Variants in DAB1 observed in about 807,000 individuals in gnomAD.
DAB1 encodes the protein disabled homolog 1.
Under a neutral mutation model 64.6 loss-of-function variants are expected in DAB1, and 15 were observed. That is an observed-to-expected ratio of 0.23 (90% CI 0.16 to 0.36). DAB1 has a LOEUF of 0.36. DAB1 is among the 10% of genes least tolerant of loss of function. The pLI, the probability that DAB1 is intolerant of heterozygous loss-of-function variation, is 1.00. For missense variants in DAB1, 596 were observed against 706.7 expected (o/e 0.84, Z 1.78); for synonymous variants, 235 against 251.9 (o/e 0.93, Z 0.64).
At chr1:58,266,095 A>C (rs1661153658) in intron 4 of DAB1, among the ~76,000 whole-genome samples, 1 of 151,618 alleles carries the variant, frequency 6.6e-6, no homozygotes, top group African/African-American at 2.4e-5. Context: ...GGGAGAATTA[A>C]TTAGTGCATA....
At chr1:57,113,750 T>G (rs1036282455) in intron 4 of DAB1, among the ~76,000 whole-genome samples, 5 of 152,226 alleles carry the variant, frequency 3.3e-5, no homozygotes, top group African/African-American at 9.6e-5. Context: ...TTGTCAACTC[T>G]GGCTCTAGAT....
chr1:58,462,276 G>A (rs1018956688), intron 3 of DAB1, among the ~76,000 whole-genome samples: 4 of 151,960 alleles, frequency 2.6e-5, no homozygotes, highest in Non-Finnish European at 5.9e-5. Flanking sequence ...ACAGGCGCCC[G>A]CCACCGCGCC....
intron 4 of DAB1, among the ~76,000 whole-genome samples, chr1:57,087,100 A>C (rs1378681353): frequency 6.6e-6 from 1 of 152,192 alleles, no homozygotes; most frequent in African/African-American, 2.4e-5. Flanking sequence ...GAGCTATGTA[A>C]CCTGGATGTT....
At chr1:57,215,638 T>G (rs1400970131) in intron 2 of DAB1, among the ~76,000 whole-genome samples, 1 of 152,224 alleles carries the variant, frequency 6.6e-6, no homozygotes, top group Non-Finnish European at 1.5e-5. Context: ...TAATAATGAT[T>G]CTATAACCTT....
chr1:58,460,571 C>G (rs948103424), intron 3 of DAB1, among the ~76,000 whole-genome samples: 2 of 152,134 alleles, frequency 1.3e-5, no homozygotes, highest in African/African-American at 4.8e-5. Context: ...AGTTACTGAA[C>G]ACTTACTATG....
At chr1:57,136,672 A>G in intron 3 of DAB1, 31 bp from the exon 4 acceptor site, 1 of 1,444,482 alleles carries the variant, frequency 6.9e-7, no homozygotes. Context: ...GTTTTTACTT[A>G]AGTGTTTTCA....
chr1:58,361,638 T>A (rs17496545), intron 3 of DAB1, among the ~76,000 whole-genome samples: 1 of 151,972 alleles, frequency 6.6e-6, no homozygotes, highest in Admixed American at 6.6e-5. Context: ...TTTCTGACCC[T>A]GAGCAGAGGT....
At chr1:58,058,496 C>T (rs1213246394) in intron 5 of DAB1, among the ~76,000 whole-genome samples, 1 of 152,162 alleles carries the variant, frequency 6.6e-6, no homozygotes, top group East Asian at 1.9e-4. Context: ...AACTCTCTGC[C>T]AGGCTCTGAA....
intron 6 of DAB1, among the ~76,000 whole-genome samples, chr1:57,802,599 G>C (rs1374048493): frequency 6.6e-6 from 1 of 152,168 alleles, no homozygotes; most frequent in East Asian, 1.9e-4. Context: ...CCTGGTAGGA[G>C]GTGATTGGAT....
intron 5 of DAB1, among the ~76,000 whole-genome samples, chr1:58,045,979 T>C (rs897353712): frequency 6.7e-6 from 1 of 149,860 alleles, no homozygotes; most frequent in Admixed American, 6.7e-5. Context: ...TATCTGAAAA[T>C]GGAGACTAAA....
At chr1:57,615,751 AT>A (rs1396133874) in intron 7 of DAB1, among the ~76,000 whole-genome samples, 1 of 152,186 alleles carries the variant, frequency 6.6e-6, no homozygotes, top group Non-Finnish European at 1.5e-5. Context: ...TCTCCAAGCA[AT>A]TCTTAGTGAT....
chr1:57,857,425 T>A (rs1653802671), intron 1 of DAB1, among the ~76,000 whole-genome samples: 2 of 152,112 alleles, frequency 1.3e-5, no homozygotes, highest in African/African-American at 4.8e-5. Context: ...GTAATGATGA[T>A]GGTGATGATG....
chr1:57,812,319 C>CAAAAAAAAA (rs67005172), intron 6 of DAB1, among the ~76,000 whole-genome samples: 2 of 101,214 alleles, frequency 2.0e-5, no homozygotes, highest in African/African-American at 3.7e-5. Context: ...GATTCATTGC[C>CAAAAAAAAA]AAAAAAAAAA....
intron 5 of DAB1, among the ~76,000 whole-genome samples, chr1:58,129,179 G>A (rs1653346424): frequency 6.6e-6 from 1 of 151,114 alleles, no homozygotes; most frequent in African/African-American, 2.4e-5. Flanking sequence ...TCCTGGTTTA[G>A]TCTTGGGAGA....
At chr1:58,352,463 C>T (rs1177512888) in intron 3 of DAB1, among the ~76,000 whole-genome samples, 1 of 152,134 alleles carries the variant, frequency 6.6e-6, no homozygotes, top group Non-Finnish European at 1.5e-5. Flanking sequence ...CGGCATGTAT[C>T]TAACATTTGT....
intron 1 of DAB1, among the ~76,000 whole-genome samples, chr1:57,291,375 C>T (rs888099281): frequency 5.9e-5 from 9 of 152,138 alleles, no homozygotes; most frequent in Admixed American, 5.2e-4. Flanking sequence ...AACTAGGTAA[C>T]TCAAAATAGA....
intron 1 of DAB1, among the ~76,000 whole-genome samples, chr1:57,311,038 C>A (rs1190332393): frequency 6.6e-6 from 1 of 152,020 alleles, no homozygotes; most frequent in African/African-American, 2.4e-5. Flanking sequence ...AGATAGACAG[C>A]CAGATTGACA....
At chr1:58,125,457 T>G (rs919488072) in intron 5 of DAB1, among the ~76,000 whole-genome samples, 1 of 150,690 alleles carries the variant, frequency 6.6e-6, no homozygotes, top group African/African-American at 2.5e-5. Context: ...TTTTTTTTTT[T>G]CGAGACAGGA....
chr1:57,764,565 T>C (rs947152710), intron 6 of DAB1, among the ~76,000 whole-genome samples: 8 of 152,174 alleles, frequency 5.3e-5, no homozygotes, highest in African/African-American at 1.9e-4. Context: ...TTAACAAATC[T>C]CTCCCTATCC....
Sources: allele counts gnomAD v4.1 joint callset (sites outside exome capture counted in the v4.1 genomes callset), GRCh38; gene constraint gnomAD v4.1.1; transcripts MANE v1.5; gene names NCBI Gene and HGNC (gene_info 2026-07-23, HGNC 2026-07-21).